Variants in CRISP2 observed in about 807,000 individuals in gnomAD.
CRISP2 encodes cysteine-rich secretory protein 2.
In CRISP2, 29 loss-of-function variants were observed where a neutral mutation model predicts 31.7. The observed-to-expected ratio is 0.92, with a 90% confidence interval of 0.68 to 1.25. The LOEUF (loss-of-function observed/expected upper bound fraction) is 1.25. Ranked by LOEUF, CRISP2 falls within the 50% of genes most tolerant of loss-of-function variation. The pLI is 0.00. For missense variants in CRISP2, 318 were observed against 286.5 expected (o/e 1.11, Z -0.79); for synonymous variants, 111 against 101.4 (o/e 1.09, Z -0.57).
rs184876562 is a variant in CRISP2, at chr6:49,710,608, C to A, written c.-10+677G>T. On this transcript the variant is annotated intron_variant, in intron 3 of 9. Transcript: ENST00000339139. The stretch of plus-strand genomic sequence containing the variant: ...CAGCTTATACAATATACTTAAACAG[C>A]CATACTTTTCCATTTTCCTATTAAA... 2.6e-3 allele frequency among the ~76,000 whole-genome samples: 394 copies of A among 150,870 alleles called. 2 individuals carry two copies. Among genetic ancestry groups the A allele is most frequent in the Non-Finnish European group, 5.2e-3 (348 of 67,274 alleles).
intron 1 of CRISP2, among the ~76,000 whole-genome samples, chr6:49,712,884 CT>C (rs1305776102): frequency 3.3e-5 from 5 of 152,044 alleles, no homozygotes; most frequent in African/African-American, 1.2e-4. Context: ...AAATTGCAAC[CT>C]TTTTTCAAGA....
intron 4 of CRISP2, 89 bp from the exon 5 acceptor site, chr6:49,700,873 A>C: frequency 1.2e-6 from 1 of 841,908 alleles, no homozygotes; most frequent in Non-Finnish European, 1.9e-6. Flanking sequence ...AACAAAGGTC[A>C]CTTTAAAAAG....
At position 49,699,853 on chromosome 6, in the gene CRISP2, C is replaced by T. The variant is rs1765362599; in HGVS notation, c.222G>A (p.Trp74Ter). ...SREVTTNAQRWANKCTLQHSD... is the reference protein window; with the variant it reads ...SREVTTNAQR Reference sequence around the variant, plus strand: ...TATGTTGTAAAGTGCACTTGTTTGCCCACCTTTGGGCATTCGTTGTTACCT... The same window carrying T: ...TATGTTGTAAAGTGCACTTGTTTGCTCACCTTTGGGCATTCGTTGTTACCT... Residue 74 changes from tryptophan (W) to a stop codon, truncating the protein, a stop_gained, in exon 6 of 10, where the codon TGG becomes TGA. Coordinates refer to ENST00000339139, the MANE Select transcript of CRISP2 (RefSeq NM_003296.4). LOFTEE classifies it high-confidence loss of function. 4 of 1,612,588 alleles carry T rather than the reference C, an allele frequency of 2.5e-6. No individual in the cohort carries two copies. The highest frequency in any genetic ancestry group is 3.4e-6 in the Non-Finnish European group (4 of 1,179,144).
intron 4 of CRISP2, among the ~76,000 whole-genome samples, chr6:49,707,078 T>C (rs555555209): frequency 5.9e-4 from 90 of 152,338 alleles, no homozygotes; most frequent in South Asian, 1.2e-3. Context: ...TCCTGCTTCT[T>C]ACACCTTTTT....
At chr6:49,708,225 T>C (rs890839216) in intron 4 of CRISP2, among the ~76,000 whole-genome samples, 3 of 152,132 alleles carry the variant, frequency 2.0e-5, no homozygotes, top group Admixed American at 6.5e-5. Context: ...CATAGACCAG[T>C]GTTTACTAGA....
At chr6:49,710,327 T>C (rs1767797614) in intron 3 of CRISP2, among the ~76,000 whole-genome samples, 1 of 152,186 alleles carries the variant, frequency 6.6e-6, no homozygotes, top group Admixed American at 6.5e-5. Flanking sequence ...GTATGGATGA[T>C]GTAATTGAGG....
At chr6:49,689,202 A>G (rs1763975688), downstream of CRISP2, among the ~76,000 whole-genome samples, 1 of 152,120 alleles carries the variant, frequency 6.6e-6, no homozygotes. Context: ...GAAAATGACC[A>G]TTCCTAAAGC....
At chr6:49,702,547 C>T (rs1766279671) in intron 4 of CRISP2, among the ~76,000 whole-genome samples, 1 of 151,772 alleles carries the variant, frequency 6.6e-6, no homozygotes, top group Non-Finnish European at 1.5e-5. Flanking sequence ...TTTGCATTTC[C>T]CTGATAATTA....
chr6:49,713,648 C>T (rs974828198), upstream of CRISP2: 1 of 152,190 alleles, frequency 6.6e-6, no homozygotes, highest in Admixed American at 6.5e-5. Context: ...GTGAGCTGCT[C>T]TCCTCCCATC....
chr6:49,678,456 T>G, the CRISP2 span, among the ~76,000 whole-genome samples: 2 of 152,094 alleles, frequency 1.3e-5, no homozygotes, highest in South Asian at 4.1e-4. Flanking sequence ...ATTTCCATCT[T>G]ATTACACTTT....
At chr6:49,679,411 T>A in the CRISP2 span, among the ~76,000 whole-genome samples, 1 of 152,110 alleles carries the variant, frequency 6.6e-6, no homozygotes, top group Non-Finnish European at 1.5e-5. Context: ...TCATGACAAG[T>A]TATTTAGAAA....
downstream of CRISP2, among the ~76,000 whole-genome samples, chr6:49,688,372 C>A (rs1763950129): frequency 1.3e-5 from 2 of 151,752 alleles, 1 homozygote; most frequent in South Asian, 4.2e-4. Context: ...TTTTTTAAGG[C>A]TAGTCAACTG....
chr6:49,700,972 T>C (rs967856552), intron 4 of CRISP2, among the ~76,000 whole-genome samples, 188 bp from the exon 5 acceptor site: 6 of 152,068 alleles, frequency 3.9e-5, no homozygotes, highest in Non-Finnish European at 7.4e-5. Context: ...TGCCACTAAA[T>C]CTGAGTTGAA....
chr6:49,692,469 C>T lies in CRISP2; in HGVS notation c.*304G>A, dbSNP rs1168125009. The T allele has an allele frequency of 4.9e-6, 1 of 202,752 alleles. No individual in the cohort carries two copies. Among genetic ancestry groups the T allele is most frequent in the African/African-American group, 2.3e-5 (1 of 43,454 alleles). The allele number at this position is 202,752 out of a possible 1,614,324, so 12.6% of individuals were successfully genotyped here. A position where few individuals can be genotyped will look rare whatever the true frequency, so the allele number is the denominator to read the frequency against. On this transcript the variant is annotated 3_prime_UTR_variant, in exon 10 of 10. Coordinates refer to ENST00000339139, the MANE Select transcript of CRISP2 (RefSeq NM_003296.4). ...AGCATGTTTCAGGAAATACGTAATG[C>T]ACCATTTTGATCCAAAGTCCTAGTG...
At chr6:49,687,921 G>A (rs938755240), downstream of CRISP2, among the ~76,000 whole-genome samples, 9 of 152,130 alleles carry the variant, frequency 5.9e-5, no homozygotes, top group Non-Finnish European at 8.8e-5. Flanking sequence ...GATCTAAGCC[G>A]GATGGTTAAA....
At chr6:49,711,153 A>G (rs1188541556) in intron 3 of CRISP2, 132 bp downstream of exon 3, 1 of 145,330 alleles carries the variant, frequency 6.9e-6, no homozygotes, top group East Asian at 2.0e-4. Context: ...TCTAAAACAA[A>G]CAAACAAACA....
At chr6:49,702,642 T>C (rs1229375200) in intron 4 of CRISP2, among the ~76,000 whole-genome samples, 1 of 152,030 alleles carries the variant, frequency 6.6e-6, no homozygotes, top group Non-Finnish European at 1.5e-5. Flanking sequence ...TTAGCCCACT[T>C]TTTGATGGGA....
intron 8 of CRISP2, among the ~76,000 whole-genome samples, chr6:49,697,492 C>T (rs574295055): frequency 6.6e-6 from 1 of 152,146 alleles, no homozygotes; most frequent in East Asian, 1.9e-4. Context: ...CTTCCATTTG[C>T]AATCTCACCA....
At chr6:49,688,380 C>G (rs891574601), downstream of CRISP2, among the ~76,000 whole-genome samples, 1 of 151,932 alleles carries the variant, frequency 6.6e-6, no homozygotes, top group African/African-American at 2.4e-5. Context: ...GGCTAGTCAA[C>G]TGGGAAATAT....
Sources: allele counts gnomAD v4.1 joint callset (sites outside exome capture counted in the v4.1 genomes callset), GRCh38; gene constraint gnomAD v4.1.1; transcripts MANE v1.5; gene names NCBI Gene and HGNC (gene_info 2026-07-23, HGNC 2026-07-21).